Variants in CCDC88B observed in about 807,000 individuals in gnomAD.
CCDC88B encodes coiled-coil and HOOK domain protein 88B.
Under a neutral mutation model 183.7 loss-of-function variants are expected in CCDC88B, and 138 were observed. The ratio of observed to expected loss-of-function variants is 0.75; its 90% CI spans 0.65 to 0.87. The LOEUF is 0.87. CCDC88B is among the 40% of genes least tolerant of loss of function. CCDC88B has a pLI of 0.00. For missense variants in CCDC88B, 1,822 were observed against 1,965.6 expected, an observed-to-expected ratio of 0.93 and a Z score of 1.38; for synonymous variants, 835 against 867.5, an observed-to-expected ratio of 0.96 and a Z score of 0.66.
At chr11:64,349,896 C>G in intron 16 of CCDC88B, 1 of 585,906 alleles carries the variant, frequency 1.7e-6, no homozygotes, top group Non-Finnish European at 3.1e-6. Flanking sequence ...GACAGAACTT[C>G]TGCTGTGGAT....
chr11:64,348,497 G>A (rs1160793325), intron 14 of CCDC88B, among the ~76,000 whole-genome samples: 1 of 152,212 alleles, frequency 6.6e-6, no homozygotes, highest in Non-Finnish European at 1.5e-5. Flanking sequence ...CTGTCAGCCA[G>A]CCAGGCAGCA....
chr11:64,352,018 C>T (rs966982136), intron 18 of CCDC88B, 112 bp from the exon 19 acceptor site: 58 of 1,435,598 alleles, frequency 4.0e-5, no homozygotes, highest in Non-Finnish European at 5.3e-5. Context: ...GCCTCCTCCA[C>T]AACTCTCTCA....
rs1256281181 is a variant in CCDC88B at position 64,345,013 on chromosome 11, G to A, written c.2472G>A (p.Glu824=). The A allele has an allele frequency of 4.5e-6, 7 of 1,547,188 alleles. No individual in the cohort carries two copies. Among genetic ancestry groups the A allele is most frequent in the African/African-American group, 1.4e-5 (1 of 73,392 alleles). Residue 824 remains glutamate (E), a synonymous_variant, in exon 14 of 27, where the codon GAG becomes GAA. Coordinates refer to ENST00000356786, the MANE Select transcript of CCDC88B (RefSeq NM_032251.6). The part of the protein sequence containing the change: ...LVEALAAAGR[E]RRQWEREGSR... The stretch of plus-strand genomic sequence containing the variant: ...AGGCGCTGGCAGCAGCGGGCCGGGA[G>A]CGGAGGCAGTGGGAGCGTGAGGGGT...
chr11:64,351,475 G>T lies in CCDC88B; in HGVS notation c.2959-1G>T. On this transcript the variant is annotated splice_acceptor_variant, in intron 17 of 26. Transcript: ENST00000356786. LOFTEE classifies it high-confidence loss of function. ...TATTGCTAACCCCCACTTCTGGGCA[G>T]AATGCGATGCTGGTGGCAGAGAAGG... 6.3e-7 allele frequency: 1 copy of T among 1,586,330 alleles called. No homozygotes were observed. Among genetic ancestry groups the T allele is most frequent in the South Asian group, 1.1e-5 (1 of 88,496 alleles).
Position 64,340,454 on chromosome 11 carries a change from G to A in CCDC88B, c.60+128G>A, listed in dbSNP as rs1193750826. The A allele has an allele frequency of 3.8e-6, 5 of 1,320,186 alleles. No individual in the cohort carries two copies. In the African/African-American group the frequency reaches 6.0e-5, roughly 16 times the overall value. The allele number at this position is 1,320,186 out of a possible 1,614,324, so 81.8% of individuals were successfully genotyped here. A position where few individuals can be genotyped will look rare whatever the true frequency, so the allele number is the denominator to read the frequency against. On this transcript the variant is annotated intron_variant, in intron 1 of 26. Coordinates refer to ENST00000356786, the MANE Select transcript of CCDC88B (RefSeq NM_032251.6). ...GGGAGGGCTGGGTTCAAATGTGGGG[G>A]ATGGAGATATGGTGTGGGGGGCTGT...
At chr11:64,354,311 C>T in intron 24 of CCDC88B, 141 bp downstream of exon 24, 1 of 639,394 alleles carries the variant, frequency 1.6e-6, no homozygotes, top group Non-Finnish European at 2.3e-6. Context: ...CCTGATGCCA[C>T]CAGGGGCTCT....
rs148012307 is a variant in CCDC88B, at chr11:64,341,128, T to C, written c.338T>C (p.Ile113Thr). 107 of 1,614,090 alleles carry C rather than the reference T, an allele frequency of 6.6e-5. 1 individual carries two copies. The highest frequency in any genetic ancestry group is 3.8e-4 in the Admixed American group (23 of 60,018). ...CTCCAGGAGGAGCTGCAGCTGCTGATCCTGTCGCCACCCCCAGACCTCCAG... is the reference window on the plus strand; with the variant it reads ...CTCCAGGAGGAGCTGCAGCTGCTGACCCTGTCGCCACCCCCAGACCTCCAG... ...DFYQEELQLLILSPPPDLQTL... is the reference protein window; with the variant it reads ...DFYQEELQLLTLSPPPDLQTL... Residue 113 changes from isoleucine to threonine, a missense_variant, in exon 4 of 27, where the codon ATC (isoleucine) becomes ACC (threonine). Coordinates refer to ENST00000356786, the MANE Select transcript of CCDC88B (RefSeq NM_032251.6).
chr11:64,355,671 C>G (rs368704190), intron 26 of CCDC88B, 43 bp downstream of exon 26: 1 of 1,525,776 alleles, frequency 6.6e-7, no homozygotes, highest in Non-Finnish European at 8.8e-7. Flanking sequence ...TTTGTCCTGC[C>G]TGGGGCCCCT....
At chr11:64,351,327 T>C (rs2036320869) in intron 17 of CCDC88B, 72 bp downstream of exon 17, 9 of 1,478,266 alleles carry the variant, frequency 6.1e-6, no homozygotes, top group Admixed American at 4.2e-5. Context: ...CGGTGGACCC[T>C]GGGCTGGGGG....
intron 22 of CCDC88B, 62 bp downstream of exon 22, chr11:64,353,558 G>T: frequency 6.3e-7 from 1 of 1,586,840 alleles, no homozygotes. Flanking sequence ...CCTGGGGAGA[G>T]CCCTTAGTGA....
At chr11:64,346,631 G>A (rs368264865) in intron 14 of CCDC88B, among the ~76,000 whole-genome samples, 3 of 151,554 alleles carry the variant, frequency 2.0e-5, no homozygotes, top group African/African-American at 7.3e-5. Context: ...TAGTAGAGAC[G>A]GGGTTTCACC....
rs1294731107 is a variant in CCDC88B, at chr11:64,341,595, C to G, written c.532-4C>G. 8 of 1,601,306 alleles carry G rather than the reference C, an allele frequency of 5.0e-6. No homozygotes were observed. The highest frequency in any genetic ancestry group is 6.0e-6 in the Non-Finnish European group (7 of 1,173,066). On this transcript the variant is annotated splice_polypyrimidine_tract_variant and splice_region_variant and intron_variant, in intron 6 of 26. Coordinates refer to ENST00000356786, the MANE Select transcript of CCDC88B (RefSeq NM_032251.6). ...TCCACTGAACTGCTCTTCCTGCGCC[C>G]CAGGTGACCCAGCCGGGGGCCGGCG...
chr11:64,340,869 A>G (rs762200392), intron 2 of CCDC88B, 38 bp from the exon 3 acceptor site: 1 of 1,534,856 alleles, frequency 6.5e-7, no homozygotes, highest in East Asian at 2.3e-5. Flanking sequence ...AGGCCTGTTG[A>G]CGGGAGGCGG....
rs774404257 is a variant in CCDC88B at position 64,353,754 on chromosome 11, C to G, written c.3873C>G (p.Leu1291=). 2 of 1,614,124 alleles carry G rather than the reference C, an allele frequency of 1.2e-6. No homozygotes were observed. The highest frequency in any genetic ancestry group is 1.7e-5 in the Admixed American group (1 of 60,026). Residue 1291 remains leucine (L), a synonymous_variant, in exon 23 of 27, where the codon CTC becomes CTG. Coordinates refer to ENST00000356786, the MANE Select transcript of CCDC88B (RefSeq NM_032251.6). ...CCCTGCGCCGCGAGAAGCAGAAGCT[C>G]GTGGAGAAGATCATGGACCAATACC... ...LNALRREKQK[L]VEKIMDQYRV... is the part of the protein sequence containing the mutation.
In CCDC88B at chr11:64,353,512, G is replaced by C. The variant is rs763150544; in HGVS notation, c.3833+16G>C. On this transcript the variant is annotated intron_variant, in intron 22 of 26. Transcript: ENST00000356786. ...GGGAGTACCTGTGAGTGGGCCGCCT[G>C]GGAGCGGGGTGGGGCCTGCATCCCC... 6.3e-5 allele frequency: 102 copies of C among 1,608,476 alleles called. No individual in the cohort carries two copies. Among genetic ancestry groups the C allele is most frequent in the Non-Finnish European group, 8.5e-5 (100 of 1,178,582 alleles).
Position 64,352,243 on chromosome 11 carries a change from G to A in CCDC88B, c.3213G>A (p.Gln1071=). 6.2e-7 allele frequency: 1 copy of A among 1,607,690 alleles called. No homozygotes were observed. The highest frequency in any genetic ancestry group is 1.7e-5 in the Admixed American group (1 of 59,138). Residue 1071 remains glutamine (Q), a synonymous_variant, in exon 19 of 27, where the codon CAG becomes CAA. Transcript: ENST00000356786. ...CCCAGGAGGAGACCCGCGGGCAGCA[G>A]CAGGCCCTGCTTCGGGACCACAAGG... ...RQSQEETRGQ[Q]QALLRDHKAL...
In CCDC88B at chr11:64,355,418, CTG is replaced by C; in HGVS notation, c.4306+20_4306+21del. On this transcript the variant is annotated intron_variant, in intron 25 of 26. Coordinates refer to ENST00000356786, the MANE Select transcript of CCDC88B (RefSeq NM_032251.6). ...CAGCAAAGGTGAGGGACAAGGGTCA[CTG>C]TACCAGCCAGCCCCCCAACTCTTTG... The C allele has an allele frequency of 6.3e-7, 1 of 1,589,302 alleles. No individual in the cohort carries two copies.
chr11:64,342,640 A>AGCGGCTGCAG lies in CCDC88B; in HGVS notation c.1030_1039dup (p.Glu347AlafsTer4). 1.3e-6 allele frequency: 2 copies of AGCGGCTGCAG among 1,522,744 alleles called. No homozygotes were observed. The highest frequency in any genetic ancestry group is 1.8e-6 in the Non-Finnish European group (2 of 1,141,964). 94.3% of individuals were successfully genotyped at this position (1,522,744 alleles called of 1,614,324 possible). ...CAGGAGGAGCTGAGGCGCTGCCGCGAGCGGCTGCAGGCGGCTGAGGCCTAC... is the reference window on the plus strand; with the variant it reads ...CAGGAGGAGCTGAGGCGCTGCCGCGAGCGGCTGCAGGCGGCTGCAGGCGGCTGAGGCCTAC... On this transcript the variant is annotated frameshift_variant, in exon 10 of 27. Coordinates refer to ENST00000356786, the MANE Select transcript of CCDC88B (RefSeq NM_032251.6). LOFTEE classifies it high-confidence loss of function.
At position 64,342,147 on chromosome 11, in the gene CCDC88B, TGC is replaced by T; in HGVS notation, c.821+11_821+12del. On this transcript the variant is annotated intron_variant, in intron 8 of 26. Transcript: ENST00000356786. Reference sequence around the variant, plus strand: ...GCGTCTGCGGCAGGAGCTGTGAGTGTGCGCAGCCTGGGAAGGGGACTGAGTGG... The same window carrying T: ...GCGTCTGCGGCAGGAGCTGTGAGTGTGCAGCCTGGGAAGGGGACTGAGTGG... The T allele has an allele frequency of 6.2e-7, 1 of 1,606,706 alleles. No homozygotes were observed.
Sources: gnomAD v4.1 joint callset for allele counts (sites outside exome capture counted in the v4.1 genomes callset) on GRCh38, gnomAD v4.1.1 for gene constraint, MANE v1.5 for transcripts, NCBI Gene and HGNC (gene_info 2026-07-23, HGNC 2026-07-21) for gene names.